OSGEP: variants seen among roughly 807,000 people sequenced by gnomAD.
OSGEP encodes the protein tRNA N6-adenosine threonylcarbamoyltransferase.
A neutral mutation model predicts 44.1 loss-of-function variants in OSGEP; 39 were observed. The observed-to-expected ratio is 0.88, with a 90% CI of 0.69 to 1.16. The LOEUF is 1.16. OSGEP is among the 50% of genes most tolerant of loss of function. The pLI is 0.00. For missense variants in OSGEP, 403 were observed against 443.1 expected, an observed-to-expected ratio of 0.91 and a Z score of 0.81; for synonymous variants, 139 against 161.9, an observed-to-expected ratio of 0.86 and a Z score of 1.07.
At position 20,454,559 on chromosome 14, in the gene OSGEP, A is replaced by T; in HGVS notation, c.115+10T>A. On this transcript the variant is annotated intron_variant, in intron 1 of 10. Coordinates refer to ENST00000206542, the MANE Select transcript of OSGEP (RefSeq NM_017807.4). ...TGCGCGGAAAACTCTTAAGTCCCCTACTCACCAACCTGTGCCAGGAGGCGT... is the reference window on the plus strand; with the variant it reads ...TGCGCGGAAAACTCTTAAGTCCCCTTCTCACCAACCTGTGCCAGGAGGCGT... 1 of 1,594,076 alleles carries T rather than the reference A, an allele frequency of 6.3e-7. No homozygotes were observed. The highest frequency in any genetic ancestry group is 8.6e-7 in the Non-Finnish European group (1 of 1,161,710).
Position 20,449,188 on chromosome 14 carries a change from A to G in OSGEP, c.490T>C (p.Phe164Leu), listed in dbSNP as rs1302947414. The G allele has an allele frequency of 5.6e-6, 9 of 1,612,494 alleles. No individual in the cohort carries two copies. The highest frequency in any genetic ancestry group is 3.3e-5 in the Admixed American group (2 of 60,004). The change falls in exon 4 of 11, where the codon TTT becomes CTT. Residue 164 changes from phenylalanine to leucine, a missense_variant. Transcript: ENST00000206542. ...DIAVGNCLDRFARVLKISNDP... is the reference protein window; with the variant it reads ...DIAVGNCLDRLARVLKISNDP... ...TGGCTTACCTTCAGCACTCGAGCAA[A>G]ACGATCCAGACAATTACCCACTGCA...
Position 20,454,754 on chromosome 14 carries a change from C to G in OSGEP, c.-71G>C. The G allele has an allele frequency of 2.7e-6, 3 of 1,103,422 alleles. No individual in the cohort carries two copies. The highest frequency in any genetic ancestry group is 1.3e-5 in the South Asian group (1 of 76,140). 68.4% of individuals were successfully genotyped at this position (1,103,422 alleles called of 1,614,324 possible). A position where few individuals can be genotyped will look rare whatever the true frequency, so the allele number is the denominator to read the frequency against. Reference sequence around the variant, plus strand: ...GGAGCTGTGGAGGTCCTCACTAGTCCGCGCTGGGCCGCAGCTTTCCGGAGC... The same window carrying G: ...GGAGCTGTGGAGGTCCTCACTAGTCGGCGCTGGGCCGCAGCTTTCCGGAGC... On this transcript the variant is annotated 5_prime_UTR_variant, in exon 1 of 11. Transcript: ENST00000206542.
At chr14:20,450,679 A>G (rs1881072794) in intron 3 of OSGEP, 2 of 152,210 alleles carry the variant, frequency 1.3e-5, no homozygotes, top group Admixed American at 1.3e-4. Context: ...CATCTTCTCG[A>G]CACAACCCTT....
In OSGEP at chr14:20,448,184, G is replaced by A; in HGVS notation, c.637-13C>T. On this transcript the variant is annotated splice_polypyrimidine_tract_variant and intron_variant, in intron 6 of 10. Coordinates refer to ENST00000206542, the MANE Select transcript of OSGEP (RefSeq NM_017807.4). ...GATGGGCTACATCCTACAATTAAAG[G>A]GAAAAACAAAAGAATCAACAAATCA... is the stretch of plus-strand genomic sequence containing the variant. 6.2e-7 allele frequency: 1 copy of A among 1,608,348 alleles called. No individual in the cohort carries two copies. The highest frequency in any genetic ancestry group is 8.5e-7 in the Non-Finnish European group (1 of 1,174,810).
rs1326597634 is a variant in OSGEP, at chr14:20,448,993, T to C, written c.528A>G (p.Pro176=). The change falls in exon 5 of 11, where the codon CCA becomes CCG. Residue 176 remains proline, a synonymous_variant. Transcript: ENST00000206542. ...RVLKISNDPS[P]GYNIEQMAKR... is the part of the protein sequence containing the mutation. ...TTGCCATCTGTTCAATGTTGTATCC[T>C]GGACTTGGGTCGTTAGAAATCTAGC... 1.1e-5 allele frequency: 18 copies of C among 1,613,994 alleles called. No individual in the cohort carries two copies. The highest frequency in any genetic ancestry group is 2.2e-5 in the East Asian group (1 of 44,894).
intron 3 of OSGEP, 56 bp from the exon 4 acceptor site, chr14:20,449,322 C>T (rs1235330980): frequency 1.8e-6 from 2 of 1,097,792 alleles, no homozygotes; most frequent in Non-Finnish European, 2.8e-6. Context: ...GATTATTTGG[C>T]TTTGGGAGAA....
chr14:20,447,729 C>T, intron 8 of OSGEP, 39 bp from the exon 9 acceptor site: 1 of 1,530,020 alleles, frequency 6.5e-7, no homozygotes, highest in Non-Finnish European at 9.1e-7. Flanking sequence ...TTAGTTTTAG[C>T]CATCTCTTCA....
intron 3 of OSGEP, 22 bp from the exon 4 acceptor site, chr14:20,449,288 A>G (rs756619891): frequency 5.8e-6 from 8 of 1,377,274 alleles, no homozygotes; most frequent in African/African-American, 5.7e-5. Flanking sequence ...GAGGAAGTCC[A>G]TGAAACCCCA....
rs756377408 is a variant in OSGEP, at chr14:20,454,555, C to T, written c.115+14G>A. On this transcript the variant is annotated intron_variant, in intron 1 of 10. Coordinates refer to ENST00000206542, the MANE Select transcript of OSGEP (RefSeq NM_017807.4). ...GAAGTGCGCGGAAAACTCTTAAGTC[C>T]CCTACTCACCAACCTGTGCCAGGAG... 6.3e-7 allele frequency: 1 copy of T among 1,579,986 alleles called. No homozygotes were observed. The highest frequency in any genetic ancestry group is 8.7e-7 in the Non-Finnish European group (1 of 1,148,838).
In OSGEP at chr14:20,447,530, A is replaced by G. The variant is rs1459105609; in HGVS notation, c.870-10T>C. On this transcript the variant is annotated splice_polypyrimidine_tract_variant and intron_variant, in intron 9 of 10. Coordinates refer to ENST00000206542, the MANE Select transcript of OSGEP (RefSeq NM_017807.4). Reference sequence around the variant, plus strand: ...ATTGTCAATACAGAATCTGGGATGCAAGAGAGATGAAAATTGGGATCTAAG... The same window carrying G: ...ATTGTCAATACAGAATCTGGGATGCGAGAGAGATGAAAATTGGGATCTAAG... The G allele has an allele frequency of 6.2e-7, 1 of 1,613,178 alleles. No individual in the cohort carries two copies. The highest frequency in any genetic ancestry group is 8.5e-7 in the Non-Finnish European group (1 of 1,179,210).
In OSGEP at chr14:20,452,332, T is replaced by C. The variant is rs200347983; in HGVS notation, c.232A>G (p.Lys78Glu). The part of the protein sequence containing the change: ...SQDIDCIAYT[K>E]GPGMGAPLVS... ...TTGACCACTCTCCCAGCCATACCCT[T>C]GGTGTATGCAATGCAGTCGATATCC... Residue 78 changes from lysine to glutamate, a missense_variant, in exon 2 of 11, where the codon AAG (lysine) becomes GAG (glutamate). Transcript: ENST00000206542. 6.2e-7 allele frequency: 1 copy of C among 1,613,644 alleles called. No individual in the cohort carries two copies.
intron 5 of OSGEP, 40 bp from the exon 6 acceptor site, chr14:20,448,851 C>T (rs1240728883): frequency 1.3e-6 from 2 of 1,593,168 alleles, no homozygotes; most frequent in Non-Finnish European, 1.7e-6. Flanking sequence ...AGCCTACAGT[C>T]AGCTGGCTTC....
In OSGEP at chr14:20,452,156, A is replaced by T; in HGVS notation, c.236-7T>A. Reference sequence around the variant, plus strand: ...GGGGCACCCATGCCAGGGCCTAGGGAGATAGAAATGGAAGTTATAATCCTA... The same window carrying T: ...GGGGCACCCATGCCAGGGCCTAGGGTGATAGAAATGGAAGTTATAATCCTA... On this transcript the variant is annotated splice_region_variant and splice_polypyrimidine_tract_variant and intron_variant, in intron 2 of 10. Coordinates refer to ENST00000206542, the MANE Select transcript of OSGEP (RefSeq NM_017807.4). 1 of 1,601,508 alleles carries T rather than the reference A, an allele frequency of 6.2e-7. No homozygotes were observed. Among genetic ancestry groups the T allele is most frequent in the Non-Finnish European group, 8.5e-7 (1 of 1,173,496 alleles).
Position 20,454,790 on chromosome 14 carries a change from C to A in OSGEP, c.-107G>T. 1.3e-6 allele frequency: 1 copy of A among 777,264 alleles called. No individual in the cohort carries two copies. The highest frequency in any genetic ancestry group is 2.1e-6 in the Non-Finnish European group (1 of 471,344). The allele number at this position is 777,264 out of a possible 1,614,324, so 48.1% of individuals were successfully genotyped here. A position where few individuals can be genotyped will look rare whatever the true frequency, so the allele number is the denominator to read the frequency against. ...GCAGCTTTCCGGAGCGCAGAGGAAGCTGGCCAGCCTGCAGATAGCACTGGG... is the reference window on the plus strand; with the variant it reads ...GCAGCTTTCCGGAGCGCAGAGGAAGATGGCCAGCCTGCAGATAGCACTGGG... On this transcript the variant is annotated 5_prime_UTR_variant, in exon 1 of 11. Coordinates refer to ENST00000206542, the MANE Select transcript of OSGEP (RefSeq NM_017807.4).
chr14:20,447,302 TG>T lies in OSGEP; in HGVS notation c.969-24del, dbSNP rs768090097. The stretch of plus-strand genomic sequence containing the variant: ...TACCTGTGGAAAAACAGAAGAAACA[TG>T]GTGGAGAGCGAGCCCTTAACATCCT... On this transcript the variant is annotated intron_variant, in intron 10 of 10. Coordinates refer to ENST00000206542, the MANE Select transcript of OSGEP (RefSeq NM_017807.4). 1.3e-4 allele frequency: 207 copies of T among 1,613,928 alleles called. 1 individual carries two copies. The South Asian group carries it at 2.2e-3, about 17-fold the overall frequency.
In OSGEP at chr14:20,447,196, G is replaced by A. The variant is rs545601975; in HGVS notation, c.*44C>T. On this transcript the variant is annotated 3_prime_UTR_variant, in exon 11 of 11. Coordinates refer to ENST00000206542, the MANE Select transcript of OSGEP (RefSeq NM_017807.4). ...TAGAGATTGAGGCACGGGGTCCTTT[G>A]GGTTCCGATTAAGGAACTATCTACT... 2 of 1,562,918 alleles carry A rather than the reference G, an allele frequency of 1.3e-6. No homozygotes were observed. Among genetic ancestry groups the A allele is most frequent in the East Asian group, 2.2e-5 (1 of 44,652 alleles).
intron 8 of OSGEP, 71 bp from the exon 9 acceptor site, chr14:20,447,761 G>T: frequency 1.5e-6 from 2 of 1,318,416 alleles, no homozygotes; most frequent in Non-Finnish European, 2.2e-6. Context: ...AACACGTCAT[G>T]TGCACTCACT....
At position 20,447,229 on chromosome 14, in the gene OSGEP, T is replaced by C. The variant is rs369569743; in HGVS notation, c.*11A>G. The C allele has an allele frequency of 4.3e-6, 7 of 1,612,302 alleles. No individual in the cohort carries two copies. Among genetic ancestry groups the C allele is most frequent in the Non-Finnish European group, 5.1e-6 (6 of 1,178,250 alleles). ...ATTAAGGAACTATCTACTCTGATTC[T>C]GTTGATCTTATTAGTCCCTCCAGGT... is the stretch of plus-strand genomic sequence containing the variant. On this transcript the variant is annotated 3_prime_UTR_variant, in exon 11 of 11. Coordinates refer to ENST00000206542, the MANE Select transcript of OSGEP (RefSeq NM_017807.4).
In OSGEP at chr14:20,449,245, G is replaced by C. The variant is rs369612242; in HGVS notation, c.433C>G (p.Arg145Gly). ...NTQVIAYSEH[R>G]YRIFGETIDI... is the part of the protein sequence containing the mutation. ...ATGGTTTCCCCAAAGATACGGTAAC[G>C]ATGTTCCGAGTATGCAATCACCTAA... The change falls in exon 4 of 11, where the codon CGT becomes GGT. Residue 145 changes from arginine (R) to glycine (G), a missense_variant. Arg to Gly is a moderately radical substitution (Grantham distance 125). Coordinates refer to ENST00000206542, the MANE Select transcript of OSGEP (RefSeq NM_017807.4). 6.2e-7 allele frequency: 1 copy of C among 1,610,064 alleles called. No individual in the cohort carries two copies. The highest frequency in any genetic ancestry group is 8.5e-7 in the Non-Finnish European group (1 of 1,176,358).
Sources: gnomAD v4.1 joint callset for allele counts on GRCh38, gnomAD v4.1.1 for gene constraint, MANE v1.5 for transcripts, NCBI Gene and HGNC (gene_info 2026-07-23, HGNC 2026-07-21) for gene names.